The following NCAM2 variants were observed in gnomAD, a reference collection of about 807,000 sequenced individuals.
The protein encoded by NCAM2 is neural cell adhesion molecule 2, also known as N-CAM-2.
Under a neutral mutation model 98.1 loss-of-function variants are expected in NCAM2, and 30 were observed. That is an observed-to-expected ratio of 0.31 (90% CI 0.23 to 0.41). The LOEUF (loss-of-function observed/expected upper bound fraction) is 0.41. NCAM2 is among the 10% of genes least tolerant of loss of function. The pLI, the probability that NCAM2 is intolerant of heterozygous loss-of-function variation, is 1.00. For synonymous variants in NCAM2, 368 were observed against 342.4 expected, an observed-to-expected ratio of 1.07 and a Z score of -0.83; for missense variants, 867 against 1,005.8, an observed-to-expected ratio of 0.86 and a Z score of 1.87.
chr21:21,103,776 T>C (rs2066290294), intron 1 of NCAM2, among the ~76,000 whole-genome samples: 1 of 152,068 alleles, frequency 6.6e-6, no homozygotes, highest in South Asian at 2.1e-4. Flanking sequence ...ATGAAACAAA[T>C]AGAGTTTTTG....
intron 16 of NCAM2, among the ~76,000 whole-genome samples, chr21:21,531,930 TG>T (rs11353497): frequency 1 from 150,905 of 150,906 alleles, 75,452 homozygotes; most frequent in Non-Finnish European, 1. Flanking sequence ...GAGCGGAGCT[TG>T]GCAGTGAGCC....
In NCAM2 at chr21:21,378,105, T is replaced by G. The variant is rs955880560; in HGVS notation, c.1195+4092T>G. Among the ~76,000 whole-genome samples, 14 of 152,136 alleles carry G rather than the reference T, an allele frequency of 9.2e-5. No individual in the cohort carries two copies. The East Asian group carries it at 2.7e-3, about 29-fold the overall frequency. On this transcript the variant is annotated intron_variant, in intron 9 of 17. Transcript: ENST00000400546. ...TTCATTGGTGGACATTTAGGTTGAT[T>G]CCATATCTAGGCTGTTGTGAATAAT...
intron 1 of NCAM2, among the ~76,000 whole-genome samples, chr21:21,161,599 G>A (rs1374634897): frequency 6.6e-6 from 1 of 151,722 alleles, no homozygotes; most frequent in Non-Finnish European, 1.5e-5. Context: ...GAGAGAGAGA[G>A]AGAGAGCAAG....
chr21:21,301,781 C>A (rs1188594651), intron 5 of NCAM2, among the ~76,000 whole-genome samples: 1 of 150,706 alleles, frequency 6.6e-6, no homozygotes, highest in African/African-American at 2.4e-5. Context: ...AACAAACAAC[C>A]CCATCAAAAA....
intron 1 of NCAM2, among the ~76,000 whole-genome samples, chr21:21,049,708 C>T (rs1422959920): frequency 2.0e-5 from 3 of 151,928 alleles, no homozygotes; most frequent in Admixed American, 6.6e-5. Context: ...CCTGTCTCTA[C>T]TAAAAATACA....
chr21:21,008,681 C>T (rs2064152780), intron 1 of NCAM2, among the ~76,000 whole-genome samples: 1 of 152,104 alleles, frequency 6.6e-6, no homozygotes, highest in South Asian at 2.1e-4. Context: ...AAAATTACTT[C>T]TTGGTATGAA....
chr21:21,181,999 C>T (rs925305528), intron 1 of NCAM2, among the ~76,000 whole-genome samples: 2 of 150,386 alleles, frequency 1.3e-5, no homozygotes, highest in South Asian at 4.2e-4. Context: ...TTGAGACCAG[C>T]CTGGGCAACA....
intron 1 of NCAM2, among the ~76,000 whole-genome samples, chr21:21,205,846 C>A (rs888839325): frequency 6.6e-6 from 1 of 151,994 alleles, no homozygotes; most frequent in East Asian, 1.9e-4. Flanking sequence ...CAAATGGCAC[C>A]TTTTAGTGGT....
chr21:21,338,390 A>C lies in NCAM2; in HGVS notation c.900A>C (p.Val300=), dbSNP rs934731058. The stretch of plus-strand genomic sequence containing the variant: ...GAGTAATATATATATTCTTTACAGT[A>C]CAGCCTCACATAATACAGCTTAAAA... ...DEKQAFLQVF[V]QPHIIQLKNE... The change falls in exon 8 of 18, where the codon GTA becomes GTC. Residue 300 remains valine (V), a splice_region_variant and synonymous_variant. Transcript: ENST00000400546. The C allele has an allele frequency of 1.9e-6, 3 of 1,609,552 alleles. No homozygotes were observed. The highest frequency in any genetic ancestry group is 2.6e-6 in the Non-Finnish European group (3 of 1,176,462).
intron 16 of NCAM2, among the ~76,000 whole-genome samples, chr21:21,511,380 A>C (rs1432949862): frequency 2.6e-5 from 4 of 151,948 alleles, no homozygotes; most frequent in Non-Finnish European, 5.9e-5. Flanking sequence ...ATGAAAACAC[A>C]CAATATTTTT....
chr21:21,237,439 T>C (rs1024235110), intron 1 of NCAM2, among the ~76,000 whole-genome samples: 21 of 152,150 alleles, frequency 1.4e-4, no homozygotes, highest in African/African-American at 4.6e-4. Context: ...GTGAGTACTA[T>C]TTTCTCTTTC....
intron 5 of NCAM2, among the ~76,000 whole-genome samples, chr21:21,311,334 CA>C (rs1467164382): frequency 0.015 from 1,745 of 115,738 alleles, 32 homozygotes; most frequent in African/African-American, 0.054. Context: ...AAATATGGGG[CA>C]TTTTTTTTTT....
intron 1 of NCAM2, among the ~76,000 whole-genome samples, chr21:21,121,050 C>T (rs1186821532): frequency 1.3e-5 from 2 of 152,132 alleles, no homozygotes; most frequent in Non-Finnish European, 2.9e-5. Flanking sequence ...AATGTCTTTA[C>T]TGAGTTTATA....
At chr21:21,312,750 A>C (rs958241465) in intron 5 of NCAM2, among the ~76,000 whole-genome samples, 3 of 151,866 alleles carry the variant, frequency 2.0e-5, no homozygotes, top group Non-Finnish European at 4.4e-5. Context: ...GTTGAAAAAC[A>C]TTCCCTCCTC....
At chr21:21,495,939 T>C in intron 15 of NCAM2, among the ~76,000 whole-genome samples, 1 of 150,938 alleles carries the variant, frequency 6.6e-6, no homozygotes. Flanking sequence ...CATATTAATT[T>C]CTAAATGATG....
At chr21:21,517,442 A>G (rs1056056494) in intron 16 of NCAM2, among the ~76,000 whole-genome samples, 3 of 152,132 alleles carry the variant, frequency 2.0e-5, no homozygotes, top group Non-Finnish European at 4.4e-5. Context: ...TCTTCCTTCT[A>G]TTCTGTAGAT....
chr21:21,123,039 T>G (rs911104723), intron 1 of NCAM2, among the ~76,000 whole-genome samples: 2 of 152,206 alleles, frequency 1.3e-5, no homozygotes, highest in African/African-American at 2.4e-5. Context: ...TGTATTTTCC[T>G]TGGTAATATA....
chr21:21,112,547 G>A (rs897547781), intron 1 of NCAM2, among the ~76,000 whole-genome samples: 2 of 152,068 alleles, frequency 1.3e-5, no homozygotes, highest in African/African-American at 4.8e-5. Flanking sequence ...AATGTTTCAG[G>A]TCCTTCTCAT....
intron 16 of NCAM2, 127 bp downstream of exon 16, chr21:21,509,182 T>C: frequency 1.3e-6 from 1 of 744,030 alleles, no homozygotes; most frequent in Non-Finnish European, 2.2e-6. Flanking sequence ...CATTGGACAC[T>C]GCACTGCCTG....
Sources: gnomAD v4.1 joint callset for allele counts (sites outside exome capture counted in the v4.1 genomes callset) on GRCh38, gnomAD v4.1.1 for gene constraint, MANE v1.5 for transcripts, NCBI Gene and HGNC (gene_info 2026-07-23, HGNC 2026-07-21) for gene names.